The following IL12RB1 variants were observed in gnomAD, a reference collection of about 807,000 sequenced individuals.
IL12RB1 encodes interleukin 12 receptor subunit beta 1, also known as interleukin-12 receptor subunit beta-1.
A neutral mutation model predicts 94.4 loss-of-function variants in IL12RB1; 64 were observed. The observed-to-expected ratio is 0.68, with a 90% CI of 0.55 to 0.83. The LOEUF is 0.83. Ranked by LOEUF, IL12RB1 falls within the 40% of genes least tolerant of loss-of-function variation. The pLI, the probability that IL12RB1 is intolerant of heterozygous loss-of-function variation, is 0.00. For synonymous variants in IL12RB1, 362 were observed against 355.5 expected (o/e 1.02, Z -0.21); for missense variants, 814 against 855.6 (o/e 0.95, Z 0.61).
chr19:18,066,441 C>T, intron 12 of IL12RB1, 101 bp downstream of exon 12: 1 of 820,854 alleles, frequency 1.2e-6, no homozygotes, highest in Non-Finnish European at 2.1e-6. Context: ...TAACCAAGGC[C>T]CAGAGAAGGA....
chr19:18,098,546 C>A (rs1464791549), intron 1 of IL12RB1, among the ~76,000 whole-genome samples: 1 of 152,092 alleles, frequency 6.6e-6, no homozygotes, highest in African/African-American at 2.4e-5. Flanking sequence ...GGGACACAGG[C>A]GTCGGGGACA....
At chr19:18,065,954 G>A (rs1200819658) in intron 12 of IL12RB1, among the ~76,000 whole-genome samples, 3 of 150,996 alleles carry the variant, frequency 2.0e-5, no homozygotes, top group East Asian at 2.0e-4. Context: ...TGGGAGGATC[G>A]CTTGAGCCCA....
upstream of IL12RB1, among the ~76,000 whole-genome samples, chr19:18,088,677 G>A (rs1456689384): frequency 2.0e-5 from 3 of 151,842 alleles, no homozygotes; most frequent in East Asian, 1.9e-4. Flanking sequence ...TGTCGGCAAA[G>A]CCTCTAAATG....
intron 2 of IL12RB1, chr19:18,083,135 G>C (rs551620064): frequency 2.4e-5 from 13 of 552,726 alleles, no homozygotes; most frequent in South Asian, 1.0e-4. Context: ...TTGGGGGGGG[G>C]GCTTCAAAAT....
At chr19:18,059,838 C>G in intron 16 of IL12RB1, 56 bp downstream of exon 16, 1 of 1,043,634 alleles carries the variant, frequency 9.6e-7, no homozygotes, top group Non-Finnish European at 1.5e-6. Flanking sequence ...GTCTAGCCCC[C>G]CCACCCCCCG....
intron 1 of IL12RB1, among the ~76,000 whole-genome samples, chr19:18,096,166 C>T (rs911601974): frequency 2.0e-5 from 3 of 151,944 alleles, no homozygotes; most frequent in South Asian, 2.1e-4. Flanking sequence ...CGCTTGAGCC[C>T]GGGAGGTAGA....
Position 18,066,605 on chromosome 19 carries a change from A to T in IL12RB1, c.1420T>A (p.Cys474Ser). The T allele has an allele frequency of 6.2e-7, 1 of 1,613,358 alleles. No individual in the cohort carries two copies. Among genetic ancestry groups the T allele is most frequent in the Non-Finnish European group, 8.5e-7 (1 of 1,179,512 alleles). The change falls in exon 12 of 17, where the codon TGT becomes AGT. Residue 474 changes from cysteine to serine, a missense_variant. Cys to Ser is a moderately radical substitution (Grantham distance 112). Transcript: ENST00000593993. ...ACATACTCCTTTAGGACGCCGGGACAGGTGCTCAGCAGGGATGGTGCCCAG... is the reference window on the plus strand; with the variant it reads ...ACATACTCCTTTAGGACGCCGGGACTGGTGCTCAGCAGGGATGGTGCCCAG... ...VDWAPSLLST[C>S]PGVLKEYVVR...
At chr19:18,080,753 G>A in intron 4 of IL12RB1, 79 bp downstream of exon 4, 1 of 955,958 alleles carries the variant, frequency 1.0e-6, no homozygotes, top group Non-Finnish European at 1.7e-6. Flanking sequence ...CAAGGGCCAG[G>A]AATCCTCTCT....
Position 18,086,909 on chromosome 19 carries a change from T to C in IL12RB1, c.-86A>G, listed in dbSNP as rs564466383. On this transcript the variant is annotated 5_prime_UTR_variant, in exon 1 of 17. The change abolishes an upstream ATG in the 5' untranslated region. Coordinates refer to ENST00000593993, the MANE Select transcript of IL12RB1 (RefSeq NM_005535.3). Reference sequence around the variant, plus strand: ...CACCCCGTCCCCACTCCGGAACACATTGAAGCTGAGCAAGGAGAAAAGACT... The same window carrying C: ...CACCCCGTCCCCACTCCGGAACACACTGAAGCTGAGCAAGGAGAAAAGACT... 53 of 1,569,534 alleles carry C rather than the reference T, an allele frequency of 3.4e-5. No homozygotes were observed. The African/African-American group carries it at 3.8e-4, about 11-fold the overall frequency.
At chr19:18,089,512 C>T (rs961714556), upstream of IL12RB1, among the ~76,000 whole-genome samples, 18 of 151,594 alleles carry the variant, frequency 1.2e-4, no homozygotes, top group African/African-American at 4.4e-4. Context: ...GTAATCCCAG[C>T]TACTCAGGAG....
chr19:18,063,999 G>T lies in IL12RB1; in HGVS notation c.1495C>A (p.Gln499Lys), dbSNP rs781736642. Residue 499 changes from glutamine (Q) to lysine (K), a missense_variant, in exon 13 of 17, where the codon CAG (glutamine) becomes AAG (lysine). Transcript: ENST00000593993. ...AGGGTAACTTGGGTCTCTGTGGGCT[G>T]CACGGGATGCTCTGCAGTGGGAGAG... The part of the protein sequence containing the change: ...DSKQVSEHPV[Q>K]PTETQVTLSG... 1.2e-6 allele frequency: 2 copies of T among 1,611,808 alleles called. No individual in the cohort carries two copies. Among genetic ancestry groups the T allele is most frequent in the South Asian group, 2.2e-5 (2 of 90,988 alleles).
chr19:18,080,830 A>C lies in IL12RB1; in HGVS notation c.409+2T>G. 6.3e-7 allele frequency: 1 copy of C among 1,598,430 alleles called. No homozygotes were observed. Among genetic ancestry groups the C allele is most frequent in the Non-Finnish European group, 8.6e-7 (1 of 1,165,688 alleles). Reference sequence around the variant, plus strand: ...CGGACGGGGGGAGAACAAGGTGCTAACCTGAGTTGTAGAGCTGCAGGGTCA... The same window carrying C: ...CGGACGGGGGGAGAACAAGGTGCTACCCTGAGTTGTAGAGCTGCAGGGTCA... On this transcript the variant is annotated splice_donor_variant, in intron 4 of 16. Coordinates refer to ENST00000593993, the MANE Select transcript of IL12RB1 (RefSeq NM_005535.3). LOFTEE classifies it high-confidence loss of function.
chr19:18,088,404 T>TATAA (rs1038225227), upstream of IL12RB1, among the ~76,000 whole-genome samples: 4 of 137,736 alleles, frequency 2.9e-5, no homozygotes, highest in African/African-American at 5.7e-5. Context: ...TATATATATA[T>TATAA]AAATTAAAAG....
chr19:18,070,651 G>GT, intron 9 of IL12RB1: 1 of 435,704 alleles, frequency 2.3e-6, no homozygotes, highest in Non-Finnish European at 3.1e-6. Context: ...CTATGATATG[G>GT]GACCAGGCTG....
intron 1 of IL12RB1, among the ~76,000 whole-genome samples, chr19:18,084,685 C>A (rs368098442): frequency 0.025 from 3,481 of 138,912 alleles, 57 homozygotes; most frequent in Non-Finnish European, 0.034. Context: ...ATCCATCCAT[C>A]CATCCATCCA....
chr19:18,071,452 T>C, intron 9 of IL12RB1: 3 of 473,390 alleles, frequency 6.3e-6, no homozygotes, highest in Non-Finnish European at 1.1e-5. Context: ...TCAACCAGGG[T>C]GGAGCGCAGT....
intron 11 of IL12RB1, among the ~76,000 whole-genome samples, chr19:18,067,802 T>G (rs1568492667): frequency 1.3e-5 from 2 of 152,086 alleles, no homozygotes; most frequent in South Asian, 2.1e-4. Flanking sequence ...GATCAAGTGA[T>G]CTTACCACCT....
chr19:18,072,610 T>C (rs796882679), intron 8 of IL12RB1, among the ~76,000 whole-genome samples: 14 of 152,162 alleles, frequency 9.2e-5, no homozygotes, highest in African/African-American at 3.4e-4. Flanking sequence ...AATGTTTCCA[T>C]CTTTTAACCC....
rs183880274 is a variant in IL12RB1, at chr19:18,074,512, C to T, written c.701-913G>A. ...CCTGGAATTCTAGCACTTTGGGAGA[C>T]CGTGGTGGGAGGATCACTTGAGGCC... On this transcript the variant is annotated intron_variant, in intron 7 of 16. Coordinates refer to ENST00000593993, the MANE Select transcript of IL12RB1 (RefSeq NM_005535.3). Among the ~76,000 whole-genome samples the T allele has an allele frequency of 7.2e-5, 11 of 152,254 alleles. No homozygotes were observed. The East Asian group carries it at 2.1e-3, about 29-fold the overall frequency.
Sources: gnomAD v4.1 joint callset for allele counts (sites outside exome capture counted in the v4.1 genomes callset) on GRCh38, gnomAD v4.1.1 for gene constraint, MANE v1.5 for transcripts, NCBI Gene and HGNC (gene_info 2026-07-23, HGNC 2026-07-21) for gene names.